The following ZNF679 variants were observed in gnomAD, a reference collection of about 807,000 sequenced individuals.
The protein encoded by ZNF679 is hypothetical protein MGC42415.
In ZNF679, 10 loss-of-function variants were observed where a neutral mutation model predicts 13.4. The ratio of observed to expected loss-of-function variants is 0.75; its 90% CI spans 0.46 to 1.27. ZNF679 has a LOEUF of 1.27. Ranked by LOEUF, ZNF679 falls within the 50% of genes most tolerant of loss-of-function variation. The pLI, the probability that ZNF679 is intolerant of heterozygous loss-of-function variation, is 0.00. For missense variants in ZNF679, 525 were observed against 477.8 expected, an observed-to-expected ratio of 1.10 and a Z score of -0.92; for synonymous variants, 179 against 162.5, an observed-to-expected ratio of 1.10 and a Z score of -0.77.
chr7:64,261,682 T>A (rs180833427), intron 4 of ZNF679, among the ~76,000 whole-genome samples: 131 of 152,228 alleles, frequency 8.6e-4, no homozygotes, highest in Admixed American at 8.0e-3. Context: ...GTTGGTGTTT[T>A]TGAAAAAATT....
intron 4 of ZNF679, 82 bp from the exon 5 acceptor site, chr7:64,265,814 T>C (rs1209779972): frequency 1.4e-6 from 2 of 1,465,078 alleles, no homozygotes; most frequent in Non-Finnish European, 1.8e-6. Flanking sequence ...AAGTACCTTG[T>C]ATAATTTTAT....
chr7:64,265,854 G>A (rs1264302155), intron 4 of ZNF679, 42 bp from the exon 5 acceptor site: 4 of 1,587,470 alleles, frequency 2.5e-6, no homozygotes, highest in Admixed American at 3.6e-5. Context: ...TATCTATCTG[G>A]GTGTAGTAAG....
chr7:64,229,079 C>T (rs1787601097), intron 1 of ZNF679, among the ~76,000 whole-genome samples: 1 of 152,152 alleles, frequency 6.6e-6, no homozygotes, highest in Admixed American at 6.6e-5. Context: ...ACCCGTTACC[C>T]TAAGCCCAGG....
In ZNF679 at chr7:64,260,089, A is replaced by T. The variant is rs996438956; in HGVS notation, c.40-132A>T. 6.0e-6 allele frequency: 4 copies of T among 667,100 alleles called. No individual in the cohort carries two copies. In the African/African-American group the frequency reaches 7.4e-5, roughly 12 times the overall value. The allele number at this position is 667,100 out of a possible 1,614,324, so 41.3% of individuals were successfully genotyped here. A position where few individuals can be genotyped will look rare whatever the true frequency, so the allele number is the denominator to read the frequency against. On this transcript the variant is annotated intron_variant, in intron 2 of 4. Transcript: ENST00000421025. ...TTAAAAATTATCATTGAATAATTTT[A>T]GTCACTCTTATAAGTGAGAAACACT...
chr7:64,248,910 TCCTGAAACCTTATCCAATCAGGGGC>T (rs1787903758), intron 1 of ZNF679, 93 bp from the exon 2 acceptor site: 1 of 726,760 alleles, frequency 1.4e-6, no homozygotes, highest in Admixed American at 2.8e-5. Flanking sequence ...GAAGGGTGGG[TCCTGAAACCTTATCCAATCAGGGGC>T]CATATATTAG....
At chr7:64,234,462 G>T (rs190446852) in intron 1 of ZNF679, among the ~76,000 whole-genome samples, 2 of 152,198 alleles carry the variant, frequency 1.3e-5, no homozygotes, top group Admixed American at 1.3e-4. Flanking sequence ...AAATGTGGGG[G>T]GACATCTACT....
At chr7:64,265,394 T>C (rs1453602735) in intron 4 of ZNF679, among the ~76,000 whole-genome samples, 3 of 152,204 alleles carry the variant, frequency 2.0e-5, no homozygotes, top group African/African-American at 7.2e-5. Flanking sequence ...ATCCATGTAC[T>C]ACAGTCTTTC....
intron 2 of ZNF679, among the ~76,000 whole-genome samples, chr7:64,258,530 G>A (rs1468376911): frequency 2.0e-5 from 3 of 151,778 alleles, no homozygotes; most frequent in South Asian, 4.2e-4. Context: ...GTGAAAGTCC[G>A]TCTCTATTAA....
At position 64,234,069 on chromosome 7, in the gene ZNF679, C is replaced by A. The variant is rs143930680; in HGVS notation, c.-91+5417C>A. On this transcript the variant is annotated intron_variant, in intron 1 of 4. Coordinates refer to ENST00000421025, the MANE Select transcript of ZNF679 (RefSeq NM_153363.3). ...GCTGCTCCCACCAACACCACAGCGA[C>A]TGGGTGTTTGTTTCAAGAATAGAAC... is the stretch of plus-strand genomic sequence containing the variant. Among the ~76,000 whole-genome samples, 120 of 152,194 alleles carry A rather than the reference C, an allele frequency of 7.9e-4. 3 individuals are homozygous for A. In the East Asian group the frequency reaches 0.021, roughly 27 times the overall value.
chr7:64,230,220 T>C (rs923125216), intron 1 of ZNF679, among the ~76,000 whole-genome samples: 5 of 152,312 alleles, frequency 3.3e-5, no homozygotes, highest in African/African-American at 9.6e-5. Flanking sequence ...CCCAGAGATA[T>C]GTCCAAATTT....
intron 1 of ZNF679, among the ~76,000 whole-genome samples, chr7:64,248,751 G>A (rs983185769): frequency 2.0e-5 from 3 of 152,090 alleles, no homozygotes; most frequent in Non-Finnish European, 4.4e-5. Flanking sequence ...TGCATATGAC[G>A]TTATACACAA....
intron 4 of ZNF679, among the ~76,000 whole-genome samples, chr7:64,262,270 T>C (rs1345973195): frequency 1.3e-5 from 2 of 152,212 alleles, no homozygotes; most frequent in African/African-American, 4.8e-5. Context: ...TTGTCACCCA[T>C]TTCTTGGGTG....
chr7:64,242,048 C>T (rs935284966), intron 1 of ZNF679, among the ~76,000 whole-genome samples: 9 of 152,236 alleles, frequency 5.9e-5, no homozygotes, highest in Non-Finnish European at 1.0e-4. Context: ...TGCACTGGCT[C>T]TGTGCATAAC....
chr7:64,229,108 C>G (rs1787601546), intron 1 of ZNF679, among the ~76,000 whole-genome samples: 1 of 152,170 alleles, frequency 6.6e-6, no homozygotes, highest in Non-Finnish European at 1.5e-5. Context: ...AACACATTTT[C>G]TCTTGCCTGG....
At chr7:64,234,090 A>G (rs1387853711) in intron 1 of ZNF679, among the ~76,000 whole-genome samples, 1 of 151,480 alleles carries the variant, frequency 6.6e-6, no homozygotes, top group Admixed American at 6.6e-5. Context: ...TTTCAAGAAT[A>G]GAACAGGGCT....
chr7:64,245,094 C>T (rs1231874886), intron 1 of ZNF679, among the ~76,000 whole-genome samples: 2 of 152,108 alleles, frequency 1.3e-5, no homozygotes, highest in East Asian at 1.9e-4. Flanking sequence ...GGTGCCATCT[C>T]GGCTTACTGC....
intron 4 of ZNF679, among the ~76,000 whole-genome samples, chr7:64,264,488 T>C (rs1385988538): frequency 6.6e-6 from 1 of 152,158 alleles, no homozygotes; most frequent in Non-Finnish European, 1.5e-5. Flanking sequence ...TTCATATGAT[T>C]ATGTATTTTT....
intron 2 of ZNF679, among the ~76,000 whole-genome samples, chr7:64,252,653 A>G (rs751024076): frequency 6.6e-6 from 1 of 152,344 alleles, no homozygotes; most frequent in African/African-American, 2.4e-5. Flanking sequence ...TCATCAAAAC[A>G]TCAGTGTCTC....
chr7:64,243,244 C>T (rs188110243), intron 1 of ZNF679, among the ~76,000 whole-genome samples: 156 of 152,274 alleles, frequency 1.0e-3, no homozygotes, highest in African/African-American at 3.5e-3. Flanking sequence ...TTTGCATACG[C>T]GAGTCTTCAT....
Sources: allele counts gnomAD v4.1 joint callset (sites outside exome capture counted in the v4.1 genomes callset), GRCh38; gene constraint gnomAD v4.1.1; transcripts MANE v1.5; gene names NCBI Gene and HGNC (gene_info 2026-07-23, HGNC 2026-07-21).